ZNF730: variants seen among roughly 807,000 people sequenced by gnomAD.
ZNF730 encodes zinc finger protein 730, also known as putative zinc finger protein 730.
Under a neutral mutation model 12.6 loss-of-function variants are expected in ZNF730, and 12 were observed. That is an observed-to-expected ratio of 0.95 (90% confidence interval 0.61 to 1.54). The LOEUF is 1.54. Among genes scored for constraint, ZNF730 ranks in the 40% most tolerant of loss-of-function variants. The probability of loss-of-function intolerance (pLI) is 0.00; values close to 1 mark genes in which losing one functional copy is unlikely to be tolerated. For missense variants in ZNF730, 643 were observed against 583.5 expected, an observed-to-expected ratio of 1.10 and a Z score of -1.05; for synonymous variants, 194 against 195.8, an observed-to-expected ratio of 0.99 and a Z score of 0.08.
chr19:23,133,031 A>G lies in ZNF730; in HGVS notation c.4-1049A>G, dbSNP rs966425526. Reference sequence around the variant, plus strand: ...AAAAATTTGCCTTAGTCCAGTTGATATTAGTAACTCACTTGATTAATGAAG... The same window carrying G: ...AAAAATTTGCCTTAGTCCAGTTGATGTTAGTAACTCACTTGATTAATGAAG... On this transcript the variant is annotated intron_variant, in intron 1 of 3. Transcript: ENST00000597761. Among the ~76,000 whole-genome samples the G allele has an allele frequency of 2.0e-5, 3 of 152,346 alleles. No individual in the cohort carries two copies. The East Asian group carries it at 5.8e-4, about 29-fold the overall frequency.
chr19:23,116,593 T>TTTTTTTTTTTTTTA (rs1970528279), upstream of ZNF730, among the ~76,000 whole-genome samples: 1 of 147,626 alleles, frequency 6.8e-6, no homozygotes, highest in African/African-American at 2.5e-5. Context: ...TTTTTTTTTT[T>TTTTTTTTTTTTTTA]GTATTTTTAG....
chr19:23,077,998 C>G (rs991984194), intron 1 of ZNF730, among the ~76,000 whole-genome samples: 2 of 152,146 alleles, frequency 1.3e-5, no homozygotes, highest in African/African-American at 4.8e-5. Flanking sequence ...CATCACCAGT[C>G]TCTAATCTCA....
At chr19:23,116,928 GGGCCTTAAACGTTATCCAATC>G, upstream of ZNF730, 11 of 92,722 alleles carry the variant, frequency 1.2e-4, no homozygotes, top group East Asian at 4.8e-4. Flanking sequence ...TGAGGGGGCG[GGGCCTTAAACGTTATCCAATC>G]GGGGACACTG....
intron 1 of ZNF730, among the ~76,000 whole-genome samples, chr19:23,125,488 T>C (rs985974286): frequency 1.3e-5 from 2 of 152,188 alleles, no homozygotes; most frequent in Non-Finnish European, 2.9e-5. Flanking sequence ...TGCTGAGAAC[T>C]GGAGCAAAGG....
chr19:23,119,561 G>A (rs960904378), intron 1 of ZNF730, among the ~76,000 whole-genome samples: 10 of 152,300 alleles, frequency 6.6e-5, no homozygotes, highest in South Asian at 2.1e-4. Flanking sequence ...AGTGGCTCAC[G>A]CCATCTCAGC....
Position 23,145,314 on chromosome 19 carries a change from C to A in ZNF730, c.270C>A (p.Gly90=). ...CCCAAGACCTTTGGCCAGAGCAAGG[C>A]ATAAAAGATTATTTCCAAGAAGTCA... ...HIAQDLWPEQ[G]IKDYFQEVIL... Residue 90 remains glycine (G), a synonymous_variant, in exon 4 of 4, where the codon GGC becomes GGA. Coordinates refer to ENST00000597761, the MANE Select transcript of ZNF730 (RefSeq NM_001277403.2). The A allele has an allele frequency of 6.3e-7, 1 of 1,584,862 alleles. No individual in the cohort carries two copies. Among genetic ancestry groups the A allele is most frequent in the Non-Finnish European group, 8.6e-7 (1 of 1,168,454 alleles).
chr19:23,137,364 T>G (rs952704785), intron 3 of ZNF730, among the ~76,000 whole-genome samples: 2 of 152,242 alleles, frequency 1.3e-5, no homozygotes, highest in Non-Finnish European at 2.9e-5. Context: ...TAAGGTTACT[T>G]TCTTTCTATA....
chr19:23,115,377 A>G (rs1056411248), upstream of ZNF730, among the ~76,000 whole-genome samples: 2 of 152,122 alleles, frequency 1.3e-5, no homozygotes, highest in African/African-American at 4.8e-5. Flanking sequence ...AATTGCAGAA[A>G]TTGCAGCAAT....
At chr19:23,094,180 T>A (rs1970206388) in intron 1 of ZNF730, among the ~76,000 whole-genome samples, 2 of 152,108 alleles carry the variant, frequency 1.3e-5, no homozygotes, top group African/African-American at 4.8e-5. Flanking sequence ...CCACTTCAAG[T>A]TTGTTTCCAC....
intron 3 of ZNF730, among the ~76,000 whole-genome samples, chr19:23,136,818 T>A (rs2145675828): frequency 6.6e-6 from 1 of 152,256 alleles, no homozygotes; most frequent in African/African-American, 2.4e-5. Flanking sequence ...TATTTTCTAT[T>A]ACCTTAAATA....
At chr19:23,131,289 CATTTTTCTA>C (rs1970739970) in intron 1 of ZNF730, among the ~76,000 whole-genome samples, 1 of 152,116 alleles carries the variant, frequency 6.6e-6, no homozygotes, top group African/African-American at 2.4e-5. Flanking sequence ...AAATATGGAT[CATTTTTCTA>C]AATACTGGGA....
intron 1 of ZNF730, among the ~76,000 whole-genome samples, chr19:23,076,328 C>T (rs1321158554): frequency 6.6e-6 from 1 of 152,024 alleles, no homozygotes; most frequent in African/African-American, 2.4e-5. Flanking sequence ...GAAAATAATC[C>T]TCTGTCACTC....
chr19:23,091,651 C>T (rs974042082), intron 1 of ZNF730, among the ~76,000 whole-genome samples: 1 of 152,174 alleles, frequency 6.6e-6, no homozygotes, highest in Non-Finnish European at 1.5e-5. Context: ...ATTTGACTGC[C>T]TCGCTGGATT....
chr19:23,116,299 T>TTTTTCTTTTC (rs565630328), upstream of ZNF730, among the ~76,000 whole-genome samples: 1,460 of 149,166 alleles, frequency 9.8e-3, 18 homozygotes, highest in South Asian at 0.035. Context: ...GTTATTCTGC[T>TTTTTCTTTTC]TTTTCTTTTC....
chr19:23,133,164 TTA>T (rs1408303805), intron 1 of ZNF730, among the ~76,000 whole-genome samples: 1 of 152,212 alleles, frequency 6.6e-6, no homozygotes, highest in Non-Finnish European at 1.5e-5. Flanking sequence ...GCTGCCCTTC[TTA>T]TGTTTTCTTT....
upstream of ZNF730, among the ~76,000 whole-genome samples, chr19:23,115,865 A>G (rs1022687047): frequency 2.0e-5 from 3 of 152,240 alleles, no homozygotes; most frequent in Non-Finnish European, 2.9e-5. Context: ...TTATGCTGCA[A>G]TAGCTAACTA....
At chr19:23,127,954 ACTGGCCTGCTG>A in intron 1 of ZNF730, 1 of 719,324 alleles carries the variant, frequency 1.4e-6, no homozygotes, top group Non-Finnish European at 2.5e-6. Flanking sequence ...AATGTATTGT[ACTGGCCTGCTG>A]CTGGCCTGCA....
intron 3 of ZNF730, among the ~76,000 whole-genome samples, chr19:23,139,105 T>C (rs989112312): frequency 1.3e-5 from 2 of 152,142 alleles, no homozygotes; most frequent in Non-Finnish European, 2.9e-5. Flanking sequence ...CAAAAAGAAA[T>C]AGACAGGCAA....
At chr19:23,137,131 C>G (rs1190333399) in intron 3 of ZNF730, among the ~76,000 whole-genome samples, 3 of 152,178 alleles carry the variant, frequency 2.0e-5, no homozygotes, top group East Asian at 1.9e-4. Flanking sequence ...GACTGTGCCA[C>G]TGCACTCCAT....
Sources: gnomAD v4.1 joint callset for allele counts (sites outside exome capture counted in the v4.1 genomes callset) on GRCh38, gnomAD v4.1.1 for gene constraint, MANE v1.5 for transcripts, NCBI Gene and HGNC (gene_info 2026-07-23, HGNC 2026-07-21) for gene names.